Variants in CATSPERT observed in about 807,000 individuals in gnomAD.
CATSPERT encodes the protein cation channel sperm-associated targeting subunit tau.
chr2:201,580,410 A>G, the CATSPERT span, among the ~76,000 whole-genome samples: 3 of 152,244 alleles, frequency 2.0e-5, no homozygotes, highest in Non-Finnish European at 4.4e-5. Context: ...GACTGAATTA[A>G]TCATTATTCA....
chr2:201,595,064 G>C, the CATSPERT span, among the ~76,000 whole-genome samples: 1 of 152,104 alleles, frequency 6.6e-6, no homozygotes, highest in Admixed American at 6.5e-5. Flanking sequence ...CTGTTTTTTA[G>C]AGTTTCCAGT....
At chr2:201,518,324 T>C in the CATSPERT span, among the ~76,000 whole-genome samples, 1 of 152,178 alleles carries the variant, frequency 6.6e-6, no homozygotes, top group Admixed American at 6.5e-5. Context: ...TGGTAAGCAG[T>C]CCACCTAATT....
chr2:201,580,911 C>G, the CATSPERT span, among the ~76,000 whole-genome samples: 1 of 152,192 alleles, frequency 6.6e-6, no homozygotes, highest in Admixed American at 6.5e-5. Context: ...ACAAGGAAGT[C>G]TGTAAGCAGC....
chr2:201,563,148 ACCCCCCACCTCCCTCCCGGACGGGGC>A, the CATSPERT span, among the ~76,000 whole-genome samples: 3 of 46,224 alleles, frequency 6.5e-5, no homozygotes, highest in East Asian at 1.3e-3. Flanking sequence ...CGGGGGGCTG[ACCCCCCACCTCCCTCCCGGACGGGGC>A]GGCTGGCCGG....
At chr2:201,514,067 T>C in the CATSPERT span, among the ~76,000 whole-genome samples, 85 of 152,230 alleles carry the variant, frequency 5.6e-4, no homozygotes, top group African/African-American at 1.9e-3. Context: ...TTTATAATAA[T>C]ATATGTAATA....
At chr2:201,599,922 G>A in the CATSPERT span, among the ~76,000 whole-genome samples, 132,890 of 152,220 alleles carry the variant, frequency 0.87, 59,107 homozygotes, top group South Asian at 0.98. Context: ...AACAGTATGT[G>A]TTGCCTCCAG....
At chr2:201,579,597 T>C in the CATSPERT span, among the ~76,000 whole-genome samples, 3 of 152,070 alleles carry the variant, frequency 2.0e-5, no homozygotes, top group Non-Finnish European at 2.9e-5. Flanking sequence ...AAGAGTCTTT[T>C]ACAACTTTTT....
At chr2:201,615,524 A>T in the CATSPERT span, among the ~76,000 whole-genome samples, 1 of 152,236 alleles carries the variant, frequency 6.6e-6, no homozygotes, top group Non-Finnish European at 1.5e-5. Flanking sequence ...CAAAGACACA[A>T]CATACCAGAA....
chr2:201,505,969 T>TA, the CATSPERT span, among the ~76,000 whole-genome samples: 1 of 152,114 alleles, frequency 6.6e-6, no homozygotes, highest in African/African-American at 2.4e-5. Context: ...AATCTACTTA[T>TA]AAAAAAGCAC....
At chr2:201,541,626 C>T in the CATSPERT span, among the ~76,000 whole-genome samples, 1 of 148,812 alleles carries the variant, frequency 6.7e-6, no homozygotes, top group Non-Finnish European at 1.5e-5. Context: ...AGTCTCATCT[C>T]ACTCTGTTAC....
At chr2:201,575,012 AATTTTCTTTATCACC>A in the CATSPERT span, among the ~76,000 whole-genome samples, 2 of 149,284 alleles carry the variant, frequency 1.3e-5, no homozygotes, top group African/African-American at 5.0e-5. Flanking sequence ...AATGATTTCT[AATTTTCTTTATCACC>A]ATTTAGCAAA....
the CATSPERT span, among the ~76,000 whole-genome samples, chr2:201,488,708 G>C: frequency 6.6e-6 from 1 of 152,130 alleles, no homozygotes; most frequent in Non-Finnish European, 1.5e-5. Context: ...TTGAACACAG[G>C]TGGGGATGGA....
At chr2:201,540,044 C>T in the CATSPERT span, among the ~76,000 whole-genome samples, 7 of 152,270 alleles carry the variant, frequency 4.6e-5, no homozygotes, top group South Asian at 1.5e-3. Flanking sequence ...GAAGATTAAA[C>T]CAGCCACAAA....
chr2:201,602,592 C>T, the CATSPERT span, among the ~76,000 whole-genome samples: 2 of 152,114 alleles, frequency 1.3e-5, no homozygotes, highest in Non-Finnish European at 2.9e-5. Context: ...TTAGCATTAT[C>T]ATACAAGAAG....
the CATSPERT span, chr2:201,572,076 A>G: frequency 7.8e-7 from 1 of 1,288,656 alleles, no homozygotes; most frequent in Non-Finnish European, 1.1e-6. Flanking sequence ...AAACTCACTA[A>G]TTGTAATACC....
chr2:201,503,086 C>CA, the CATSPERT span, among the ~76,000 whole-genome samples: 1 of 152,064 alleles, frequency 6.6e-6, no homozygotes, highest in African/African-American at 2.4e-5. Context: ...TCATCATACT[C>CA]ACGTTTCCTC....
chr2:201,573,704 T>C, the CATSPERT span, among the ~76,000 whole-genome samples: 64 of 152,354 alleles, frequency 4.2e-4, no homozygotes, highest in Non-Finnish European at 8.1e-4. Context: ...TCGCCCAGGC[T>C]GGAGTGCTGT....
the CATSPERT span, chr2:201,535,044 TTC>T: frequency 1.3e-6 from 1 of 783,302 alleles, no homozygotes; most frequent in Non-Finnish European, 1.5e-6. Context: ...CTTTTATTTT[TTC>T]TTTTACATTT....
the CATSPERT span, among the ~76,000 whole-genome samples, chr2:201,574,589 T>C: frequency 2.6e-5 from 4 of 152,188 alleles, no homozygotes; most frequent in Non-Finnish European, 4.4e-5. Context: ...AACATGTGTA[T>C]GAATATACAA....
Sources: allele counts gnomAD v4.1 joint callset (sites outside exome capture counted in the v4.1 genomes callset), GRCh38; gene constraint gnomAD v4.1.1; transcripts MANE v1.5; gene names NCBI Gene and HGNC (gene_info 2026-07-23, HGNC 2026-07-21).